RIN2: variants seen among roughly 807,000 people sequenced by gnomAD.
RIN2 encodes Ras and Rab interactor 2, also known as RAB5 interacting protein 2.
In RIN2, 36 loss-of-function variants were observed where a neutral mutation model predicts 78.0. That is an observed-to-expected ratio of 0.46 (90% CI 0.35 to 0.61). The LOEUF is 0.61. RIN2 is among the 20% of genes least tolerant of loss of function. The pLI, the probability that RIN2 is intolerant of heterozygous loss-of-function variation, is 0.00. For synonymous variants in RIN2, 466 were observed against 466.8 expected, an observed-to-expected ratio of 1.00 and a Z score of 0.02; for missense variants, 1,087 against 1,159.7, an observed-to-expected ratio of 0.94 and a Z score of 0.91.
Position 19,975,217 on chromosome 20 carries a change from G to A in RIN2, c.1192G>A (p.Gly398Arg), listed in dbSNP as rs747355459. ...GCTGGGCACAGCTGGCAGCCCAGGT[G>A]GGGCCCCGCCTGAGGCCGCCCCGGG... ...LELGTAGSPG[G>R]APPEAAPGDC... is the part of the protein sequence containing the mutation. The change falls in exon 9 of 13, where the codon GGG becomes AGG. Residue 398 changes from glycine to arginine, a missense_variant. Gly to Arg is a moderately radical substitution (Grantham distance 125, BLOSUM62 -2). Around this residue, in one of 8 missense-constraint regions of RIN2, gnomAD observed 706 missense variants for 667.5 expected, o/e 1.06. Transcript: ENST00000255006. This position sits in a 1 kb window ranked among gnomAD's most constrained non-coding sequence, Gnocchi z 4.9. 20 of 1,591,558 alleles carry A rather than the reference G, an allele frequency of 1.3e-5. No individual in the cohort carries two copies. In the South Asian group the frequency reaches 2.1e-4, roughly 17 times the overall value.
chr20:19,806,844 G>GCCATGATCGCACCACTGCACT (rs74180960), intron 2 of RIN2, among the ~76,000 whole-genome samples: 1 of 152,178 alleles, frequency 6.6e-6, no homozygotes, highest in Non-Finnish European at 1.5e-5. Flanking sequence ...GCTACAGTGA[G>GCCATGATCGCACCACTGCACT]CCAGCCTGGG....
intron 2 of RIN2, among the ~76,000 whole-genome samples, chr20:19,834,168 G>A (rs2036334915): frequency 6.6e-6 from 1 of 152,130 alleles, no homozygotes; most frequent in Admixed American, 6.5e-5. Context: ...CTAGTTAATG[G>A]ATCAGCCCAT....
chr20:19,911,517 C>A (rs188579040), intron 3 of RIN2, among the ~76,000 whole-genome samples: 1 of 152,364 alleles, frequency 6.6e-6, no homozygotes, highest in Non-Finnish European at 1.5e-5. Context: ...AGGACATTCT[C>A]TTGCACAAAC....
intron 2 of RIN2, among the ~76,000 whole-genome samples, chr20:19,808,253 C>G (rs2035470413): frequency 6.6e-6 from 1 of 152,226 alleles, no homozygotes; most frequent in South Asian, 2.1e-4. Context: ...ACAGGCCACA[C>G]CTGGCAGTCA....
chr20:19,969,979 C>T (rs939978780), intron 7 of RIN2, among the ~76,000 whole-genome samples: 2 of 152,218 alleles, frequency 1.3e-5, no homozygotes, highest in African/African-American at 4.8e-5. Context: ...TCCAAGAAAG[C>T]AAGTCATGGC....
At chr20:19,945,947 C>G (rs1414316677) in intron 4 of RIN2, among the ~76,000 whole-genome samples, 3 of 152,292 alleles carry the variant, frequency 2.0e-5, no homozygotes, top group Admixed American at 1.3e-4. Context: ...AACAAGAACG[C>G]TTTGTCTCCT....
At chr20:19,933,677 G>T (rs751186501) in intron 3 of RIN2, among the ~76,000 whole-genome samples, 3 of 152,244 alleles carry the variant, frequency 2.0e-5, no homozygotes, top group South Asian at 4.1e-4. Context: ...AGCTTTAAGC[G>T]CAAGTGAAGT....
At chr20:19,876,006 C>T (rs2037844617) in intron 2 of RIN2, among the ~76,000 whole-genome samples, 2 of 152,112 alleles carry the variant, frequency 1.3e-5, no homozygotes, top group Admixed American at 1.3e-4. Context: ...AGGCTTTGAG[C>T]CTGGGGTTGT....
intron 3 of RIN2, among the ~76,000 whole-genome samples, chr20:19,924,808 C>T (rs1348776963): frequency 8.0e-5 from 9 of 112,656 alleles, no homozygotes; most frequent in Admixed American, 1.1e-4. Flanking sequence ...GGTGCAATCT[C>T]GGCTCACAGC....
chr20:19,783,913 A>G (rs1204989630), intron 1 of RIN2, among the ~76,000 whole-genome samples: 1 of 152,202 alleles, frequency 6.6e-6, no homozygotes, highest in Non-Finnish European at 1.5e-5. Context: ...AGGAACCCTC[A>G]GGCAAGGAGA....
chr20:19,770,877 C>G (rs1007382014), intron 1 of RIN2, among the ~76,000 whole-genome samples: 17 of 138,204 alleles, frequency 1.2e-4, no homozygotes, highest in South Asian at 8.3e-4. Context: ...GCCCCCACCC[C>G]CCCCCCCCAC....
At chr20:19,979,212 G>C (rs1250383975) in intron 9 of RIN2, among the ~76,000 whole-genome samples, 1 of 152,150 alleles carries the variant, frequency 6.6e-6, no homozygotes, top group Non-Finnish European at 1.5e-5. Context: ...AACAAAATTT[G>C]TCCAAATCCA....
At chr20:19,909,274 C>T (rs138867731) in intron 3 of RIN2, among the ~76,000 whole-genome samples, 1 of 152,252 alleles carries the variant, frequency 6.6e-6, no homozygotes, top group Non-Finnish European at 1.5e-5. Flanking sequence ...TTGTCTCCTC[C>T]GTCCCATCAT....
chr20:19,996,394 C>T (rs1358221105), intron 11 of RIN2, among the ~76,000 whole-genome samples: 1 of 152,084 alleles, frequency 6.6e-6, no homozygotes, highest in Middle Eastern at 3.2e-3. Context: ...GAATGGAAAT[C>T]CCATCATTGA....
chr20:19,979,976 G>A (rs1479011409), intron 9 of RIN2, among the ~76,000 whole-genome samples: 15 of 143,814 alleles, frequency 1.0e-4, no homozygotes, highest in African/African-American at 2.5e-4. Flanking sequence ...CCCGGGAGGC[G>A]GAGGTTGCAA....
At chr20:19,825,290 C>A (rs1301665352) in intron 2 of RIN2, among the ~76,000 whole-genome samples, 2 of 152,206 alleles carry the variant, frequency 1.3e-5, no homozygotes, top group Non-Finnish European at 2.9e-5. Context: ...CTTGACAGCC[C>A]TGCTACCTGG....
rs147069995 is a variant in RIN2, at chr20:19,949,782, C to T, written c.159-6833C>T. On this transcript the variant is annotated intron_variant, in intron 4 of 12. Coordinates refer to ENST00000255006, the MANE Select transcript of RIN2 (RefSeq NM_018993.4). ...CACTAGGACTGGTCATTAGGGGCTG[C>T]GCTGGTAGACTGTAATGTCTTCTGG... Among the ~76,000 whole-genome samples, 6 of 152,214 alleles carry T rather than the reference C, an allele frequency of 3.9e-5. No homozygotes were observed. In the East Asian group the frequency reaches 9.7e-4, roughly 25 times the overall value.
chr20:19,994,562 GTT>G (rs764592151), intron 11 of RIN2, among the ~76,000 whole-genome samples: 3 of 152,150 alleles, frequency 2.0e-5, no homozygotes, highest in Non-Finnish European at 4.4e-5. Context: ...CAGCATTTGA[GTT>G]TTCTCCTTAG....
chr20:19,880,540 T>C (rs1396572925), intron 2 of RIN2, among the ~76,000 whole-genome samples: 1 of 151,444 alleles, frequency 6.6e-6, no homozygotes, highest in East Asian at 2.0e-4. Context: ...GGACCACAGA[T>C]ACATGCCACC....
Sources: allele counts gnomAD v4.1 joint callset (sites outside exome capture counted in the v4.1 genomes callset), GRCh38; gene constraint gnomAD v4.1.1; regional missense constraint gnomAD v4.1.1; non-coding constraint Gnocchi (gnomAD v3.1); transcripts MANE v1.5; gene names NCBI Gene and HGNC (gene_info 2026-07-23, HGNC 2026-07-21).